The following GSTT4 variants were observed in gnomAD, a reference collection of about 807,000 sequenced individuals.
The protein encoded by GSTT4 is glutathione S-transferase theta-4.
At chr22:24,004,230 C>A (rs1003588063) in intron 1 of GSTT4, 2 of 153,048 alleles carry the variant, frequency 1.3e-5, no homozygotes, top group African/African-American at 4.8e-5. Flanking sequence ...CGCTCTCACT[C>A]TGTCTCCACT....
chr22:23,997,234 T>G (rs1165681178), downstream of GSTT4, among the ~76,000 whole-genome samples: 3 of 152,030 alleles, frequency 2.0e-5, no homozygotes, highest in African/African-American at 4.8e-5. Context: ...TGTTTGTTTT[T>G]TGAGATAAGG....
downstream of GSTT4, among the ~76,000 whole-genome samples, chr22:23,997,438 T>G (rs1331108386): frequency 2.2e-4 from 34 of 152,078 alleles, no homozygotes; most frequent in Admixed American, 2.0e-3. Context: ...ACCCAGGCTG[T>G]TCTCAATCTC....
chr22:23,996,257 A>G (rs1173201697), downstream of GSTT4, among the ~76,000 whole-genome samples: 3 of 152,046 alleles, frequency 2.0e-5, no homozygotes, highest in Admixed American at 6.6e-5. Flanking sequence ...CTTGTTTATT[A>G]GCTCTAATGG....
In GSTT4 at chr22:23,998,464, T is replaced by G. The variant is rs552075083; in HGVS notation, c.*78A>C. On this transcript the variant is annotated 3_prime_UTR_variant, in exon 5 of 5. Coordinates refer to ENST00000621179, the MANE Select transcript of GSTT4 (RefSeq NM_001358664.2). ...TGTTTTTTTGTTTTTTTGTTTTTTT[T>G]TTTTTAACATTTCCTTTAAGGAAGG... The G allele has an allele frequency of 8.8e-3, 524 of 59,688 alleles. 9 individuals are homozygous for G. Among genetic ancestry groups the G allele is most frequent in the Middle Eastern group, 0.028 (45 of 1,598 alleles). The allele number at this position is 59,688 out of a possible 1,614,324, so 3.7% of individuals were successfully genotyped here. A position where few individuals can be genotyped will look rare whatever the true frequency, so the allele number is the denominator to read the frequency against.
chr22:24,000,203 C>G lies in GSTT4; in HGVS notation c.400G>C (p.Glu134Gln), dbSNP rs973704342. 2 of 154,544 alleles carry G rather than the reference C, an allele frequency of 1.3e-5. No homozygotes were observed. Among genetic ancestry groups the G allele is most frequent in the African/African-American group, 4.8e-5 (2 of 41,470 alleles). 9.6% of individuals were successfully genotyped at this position (154,544 alleles called of 1,614,324 possible). A position where few individuals can be genotyped will look rare whatever the true frequency, so the allele number is the denominator to read the frequency against. The change falls in exon 4 of 5, where the codon GAG becomes CAG. Residue 134 changes from glutamate to glutamine, a missense_variant. By Grantham distance (29) the Glu-to-Gln change is conservative (BLOSUM62 2). Coordinates refer to ENST00000621179, the MANE Select transcript of GSTT4 (RefSeq NM_001358664.2). Reference sequence around the variant, plus strand: ...TTCTTCACCTCTTCCACTGCATGCTCCATCTTCTCAGCTGAAACTTCCTCC... The same window carrying G: ...TTCTTCACCTCTTCCACTGCATGCTGCATCTTCTCAGCTGAAACTTCCTCC... ...TGEEVSAEKM[E>Q]HAVEEVKNSL...
At chr22:23,994,165 A>T (rs2034094445), downstream of GSTT4, among the ~76,000 whole-genome samples, 1 of 146,174 alleles carries the variant, frequency 6.8e-6, no homozygotes, top group South Asian at 2.2e-4. Context: ...GCCACAATTT[A>T]TGCTTCATAT....
At chr22:23,992,559 A>G in the GSTT4 span, among the ~76,000 whole-genome samples, 1 of 151,184 alleles carries the variant, frequency 6.6e-6, no homozygotes, top group East Asian at 2.0e-4. Context: ...AGGGCCATGC[A>G]CTTGGTTTAA....
At chr22:23,994,442 C>T (rs1276651664), downstream of GSTT4, among the ~76,000 whole-genome samples, 3 of 151,482 alleles carry the variant, frequency 2.0e-5, no homozygotes, top group South Asian at 6.3e-4. Flanking sequence ...CCCTGGTTAC[C>T]ATTCATCTAC....
intron 2 of GSTT4, among the ~76,000 whole-genome samples, chr22:24,001,899 G>A (rs1017948797): frequency 1.6e-4 from 24 of 152,398 alleles, no homozygotes; most frequent in African/African-American, 5.3e-4. Flanking sequence ...GCTGAGGCAC[G>A]GGAGTCACTT....
At chr22:23,992,165 C>T in the GSTT4 span, among the ~76,000 whole-genome samples, 32,855 of 133,084 alleles carry the variant, frequency 0.25, 1,340 homozygotes, top group African/African-American at 0.47. Context: ...TGGCTGACTG[C>T]CTGCGGGGCT....
the GSTT4 span, among the ~76,000 whole-genome samples, chr22:23,991,004 CAAT>C: frequency 2.3e-4 from 17 of 74,408 alleles, no homozygotes; most frequent in Middle Eastern, 0.016. Context: ...GACCTCCTCT[CAAT>C]AATAATAATA....
chr22:23,996,664 G>A (rs1282848280), downstream of GSTT4, among the ~76,000 whole-genome samples: 2 of 152,200 alleles, frequency 1.3e-5, no homozygotes, highest in African/African-American at 4.8e-5. Flanking sequence ...AACTGCATTT[G>A]TACTCCTGGG....
chr22:23,991,984 C>T, the GSTT4 span, among the ~76,000 whole-genome samples: 14 of 137,032 alleles, frequency 1.0e-4, no homozygotes. Context: ...ACCCGGGAGG[C>T]GGAGCTTGCA....
downstream of GSTT4, among the ~76,000 whole-genome samples, chr22:23,993,444 C>T (rs1169547024): frequency 1.3e-5 from 2 of 152,212 alleles, no homozygotes; most frequent in Non-Finnish European, 2.9e-5. Flanking sequence ...CTCCCACCCC[C>T]AAACCCAGAC....
At chr22:24,002,568 C>T (rs1046260693) in intron 2 of GSTT4, among the ~76,000 whole-genome samples, 1 of 36,806 alleles carries the variant, frequency 2.7e-5, no homozygotes, top group South Asian at 1.2e-3. Context: ...CGGTGGCTCA[C>T]GCCTGTAATC....
intron 2 of GSTT4, among the ~76,000 whole-genome samples, chr22:24,003,163 A>G (rs556356799): frequency 1.6e-5 from 2 of 124,954 alleles, no homozygotes; most frequent in South Asian, 5.5e-4. Flanking sequence ...TGTTTTAAGA[A>G]CTCTTATCTC....
chr22:23,992,152 G>A, the GSTT4 span, among the ~76,000 whole-genome samples: 4 of 141,564 alleles, frequency 2.8e-5, no homozygotes, highest in Non-Finnish European at 1.6e-5. Context: ...CAGAGAGGAA[G>A]GGTGGCTGAC....
chr22:23,993,753 T>C (rs570143768), downstream of GSTT4, among the ~76,000 whole-genome samples: 1 of 152,274 alleles, frequency 6.6e-6, no homozygotes, highest in East Asian at 1.9e-4. Flanking sequence ...TGGGCTCTTG[T>C]TGAAGAAGCC....
chr22:24,002,540 G>T (rs1303918151), intron 2 of GSTT4, among the ~76,000 whole-genome samples: 5 of 152,258 alleles, frequency 3.3e-5, no homozygotes, highest in Admixed American at 3.3e-4. Flanking sequence ...GCAAGACTCA[G>T]AACTTCTTGG....
Sources: gnomAD v4.1 joint callset for allele counts (sites outside exome capture counted in the v4.1 genomes callset) on GRCh38, gnomAD v4.1.1 for gene constraint, MANE v1.5 for transcripts, NCBI Gene and HGNC (gene_info 2026-07-23, HGNC 2026-07-21) for gene names.